The following IGF2BP1 variants were observed in gnomAD, a reference collection of about 807,000 sequenced individuals.
IGF2BP1 encodes insulin-like growth factor 2 mRNA-binding protein 1.
IGF2BP1 carries 11 observed loss-of-function variants against 74.9 expected under a neutral mutation model. That is an observed-to-expected ratio of 0.15 (90% CI 0.09 to 0.24). The LOEUF is 0.24. Ranked by LOEUF, IGF2BP1 falls within the 10% of genes least tolerant of loss-of-function variation. IGF2BP1 has a pLI of 1.00. For synonymous variants in IGF2BP1, 287 were observed against 281.8 expected (o/e 1.02, Z -0.18); for missense variants, 440 against 757.4 (o/e 0.58, Z 4.92).
intron 2 of IGF2BP1, among the ~76,000 whole-genome samples, chr17:49,001,353 C>G (rs938538459): frequency 6.6e-6 from 1 of 152,066 alleles, no homozygotes; most frequent in Admixed American, 6.6e-5. Context: ...TATATATACT[C>G]TTGTATTTTC....
intron 2 of IGF2BP1, among the ~76,000 whole-genome samples, chr17:49,021,389 AC>A (rs1444326051): frequency 1.6e-4 from 25 of 151,888 alleles, no homozygotes; most frequent in Admixed American, 1.1e-3. Context: ...CTCCTGAATC[AC>A]CCCTGGGCTT....
At chr17:49,016,029 A>G (rs1459917609) in intron 2 of IGF2BP1, among the ~76,000 whole-genome samples, 9 of 152,228 alleles carry the variant, frequency 5.9e-5, no homozygotes, top group East Asian at 1.9e-4. Flanking sequence ...CTCTTCTGCA[A>G]GTGAAATCCC....
intron 8 of IGF2BP1, 125 bp downstream of exon 8, chr17:49,041,625 A>G (rs2042053787): frequency 7.7e-7 from 1 of 1,294,608 alleles, no homozygotes; most frequent in African/African-American, 1.5e-5. Flanking sequence ...TCTTGAAGAA[A>G]AACAGTCGAA....
At chr17:49,018,072 A>C (rs1458209950) in intron 2 of IGF2BP1, 7 of 152,284 alleles carry the variant, frequency 4.6e-5, no homozygotes, top group Non-Finnish European at 1.0e-4. Flanking sequence ...CTAACACTTA[A>C]AGTTACAAAA....
chr17:49,047,674 T>C (rs1047379864), intron 14 of IGF2BP1, among the ~76,000 whole-genome samples: 6 of 152,030 alleles, frequency 3.9e-5, no homozygotes, highest in East Asian at 1.9e-4. Flanking sequence ...GGACCTCTTA[T>C]TGACTTACAC....
At position 49,055,249 on chromosome 17, in the gene IGF2BP1, GT is replaced by G. The variant is rs1434671151; in HGVS notation, c.*5808del. On this transcript the variant is annotated 3_prime_UTR_variant, in exon 15 of 15. Transcript: ENST00000290341. ...AAGCTTTTTTTTCCCCCATAAATAA[GT>G]TTCACTCTTTGGCGATTTTCTTCAC... 2 of 165,200 alleles carry G rather than the reference GT, an allele frequency of 1.2e-5. No homozygotes were observed. The highest frequency in any genetic ancestry group is 2.4e-5 in the African/African-American group (1 of 41,492). The allele number at this position is 165,200 out of a possible 1,614,324, so 10.2% of individuals were successfully genotyped here. A position where few individuals can be genotyped will look rare whatever the true frequency, so the allele number is the denominator to read the frequency against.
intron 5 of IGF2BP1, 113 bp downstream of exon 5, chr17:49,032,086 C>T: frequency 1.1e-6 from 1 of 907,684 alleles, no homozygotes; most frequent in Non-Finnish European, 1.8e-6. Flanking sequence ...GGGTCCCCAT[C>T]CAGGGTTCTG....
chr17:49,020,017 TAC>T (rs57363322), intron 2 of IGF2BP1, among the ~76,000 whole-genome samples: 6,981 of 82,724 alleles, frequency 0.084, 426 homozygotes, highest in East Asian at 0.14. Context: ...CACATATATA[TAC>T]ACACACACAC....
intron 14 of IGF2BP1, among the ~76,000 whole-genome samples, chr17:49,047,838 C>T (rs2042122009): frequency 6.6e-6 from 1 of 152,070 alleles, no homozygotes; most frequent in African/African-American, 2.4e-5. Context: ...CTCAGGCCCC[C>T]CAAGTAGCTG....
Position 49,043,524 on chromosome 17 carries a change from G to C in IGF2BP1, c.1174G>C (p.Gly392Arg). 6.2e-7 allele frequency: 1 copy of C among 1,614,108 alleles called. No homozygotes were observed. Among genetic ancestry groups the C allele is most frequent in the Admixed American group, 1.7e-5 (1 of 60,010 alleles). Residue 392 changes from glycine (G) to arginine (R), a missense_variant, in exon 10 of 15, where the codon GGG becomes CGG. Physicochemically the swap from Gly to Arg is moderately radical, Grantham distance 125 (BLOSUM62 -2). Around this residue, in one of 5 missense-constraint regions of IGF2BP1, gnomAD observed 31 missense variants for 27.0 expected, o/e 1.15. Transcript: ENST00000290341. ...CCCGCCGCCTCCCAGCAGCGTTACT[G>C]GGGCTGCTCCCTATAGCTCCTTTAT... Reference protein sequence around the residue: ...AVPPPPSSVTGAAPYSSFMQA... With the variant: ...AVPPPPSSVTRAAPYSSFMQA...
At chr17:49,047,833 G>A (rs2144155094) in intron 14 of IGF2BP1, among the ~76,000 whole-genome samples, 1 of 151,658 alleles carries the variant, frequency 6.6e-6, no homozygotes, top group East Asian at 1.9e-4. Context: ...CCCACCTCAG[G>A]CCCCCCAAGT....
intron 2 of IGF2BP1, among the ~76,000 whole-genome samples, chr17:49,018,288 T>C (rs2041734021): frequency 6.6e-6 from 1 of 152,194 alleles, no homozygotes; most frequent in Non-Finnish European, 1.5e-5. Context: ...TGATTAGAAA[T>C]CTGGTACCTG....
intron 2 of IGF2BP1, among the ~76,000 whole-genome samples, chr17:49,016,037 C>T (rs1295377837): frequency 6.6e-6 from 1 of 152,230 alleles, no homozygotes; most frequent in Non-Finnish European, 1.5e-5. Context: ...CAAGTGAAAT[C>T]CCGTGCCCAA....
At chr17:48,999,960 G>GTGTT (rs2041466805) in intron 2 of IGF2BP1, among the ~76,000 whole-genome samples, 1 of 149,152 alleles carries the variant, frequency 6.7e-6, no homozygotes, top group South Asian at 2.1e-4. Context: ...GTGTGTGTGT[G>GTGTT]TGTTCGTGTG....
At position 49,051,185 on chromosome 17, in the gene IGF2BP1, T is replaced by C. The variant is rs2042162895; in HGVS notation, c.*1741T>C. 1 of 152,678 alleles carries C rather than the reference T, an allele frequency of 6.5e-6. No individual in the cohort carries two copies. Among genetic ancestry groups the C allele is most frequent in the Admixed American group, 6.5e-5 (1 of 15,288 alleles). The allele number at this position is 152,678 out of a possible 1,614,324, so 9.5% of individuals were successfully genotyped here. A position where few individuals can be genotyped will look rare whatever the true frequency, so the allele number is the denominator to read the frequency against. ...TGTTTTTTTGCAGCTTGCTGATATT[T>C]TATATAAAAAAGAAAAGCAAAGCAA... On this transcript the variant is annotated 3_prime_UTR_variant, in exon 15 of 15. Transcript: ENST00000290341.
At chr17:49,035,971 C>G (rs370631776) in intron 5 of IGF2BP1, among the ~76,000 whole-genome samples, 1 of 152,276 alleles carries the variant, frequency 6.6e-6, no homozygotes, top group East Asian at 1.9e-4. Context: ...AGGCTGGTCT[C>G]GGCCTGGTAA....
At chr17:49,006,262 G>A (rs2041550485) in intron 2 of IGF2BP1, among the ~76,000 whole-genome samples, 1 of 152,146 alleles carries the variant, frequency 6.6e-6, no homozygotes, top group South Asian at 2.1e-4. Flanking sequence ...TGGCAAAGAG[G>A]AACAAGGAGG....
At chr17:49,030,494 T>C (rs948788649) in intron 4 of IGF2BP1, among the ~76,000 whole-genome samples, 4 of 152,220 alleles carry the variant, frequency 2.6e-5, no homozygotes, top group Admixed American at 6.5e-5. Flanking sequence ...TGAGGATACA[T>C]AGGCCTCTAG....
chr17:49,024,083 ATTTT>A (rs765273098), intron 2 of IGF2BP1, among the ~76,000 whole-genome samples: 2 of 78,104 alleles, frequency 2.6e-5, no homozygotes, highest in Admixed American at 1.3e-4. Context: ...CACCCTGCTA[ATTTT>A]TTTTTTTTTT....
Sources: gnomAD v4.1 joint callset for allele counts (sites outside exome capture counted in the v4.1 genomes callset) on GRCh38, gnomAD v4.1.1 for gene constraint, gnomAD v4.1.1 regional missense constraint, MANE v1.5 for transcripts, NCBI Gene and HGNC (gene_info 2026-07-23, HGNC 2026-07-21) for gene names.